TNFRSF21: variants seen among roughly 807,000 people sequenced by gnomAD.
TNFRSF21 encodes the protein tumor necrosis factor receptor superfamily member 21.
Under a neutral mutation model 45.6 loss-of-function variants are expected in TNFRSF21, and 19 were observed. That is an observed-to-expected ratio of 0.42 (90% CI 0.29 to 0.61). TNFRSF21 has a LOEUF of 0.61. Ranked by LOEUF, TNFRSF21 falls within the 20% of genes least tolerant of loss-of-function variation. The pLI, the probability that TNFRSF21 is intolerant of heterozygous loss-of-function variation, is 0.23. For synonymous variants in TNFRSF21, 314 were observed against 335.5 expected, an observed-to-expected ratio of 0.94 and a Z score of 0.70; for missense variants, 737 against 851.5, an observed-to-expected ratio of 0.87 and a Z score of 1.67.
At chr6:47,248,165 C>CAA (rs1459311255) in intron 4 of TNFRSF21, among the ~76,000 whole-genome samples, 1 of 152,084 alleles carries the variant, frequency 6.6e-6, no homozygotes, top group African/African-American at 2.4e-5. Flanking sequence ...TCTCATGAAG[C>CAA]AATGAAGGGA....
intron 1 of TNFRSF21, among the ~76,000 whole-genome samples, chr6:47,304,543 A>G (rs1475443670): frequency 6.6e-6 from 1 of 152,192 alleles, no homozygotes; most frequent in Non-Finnish European, 1.5e-5. Context: ...GTTCTGACCC[A>G]ATAATAGCAT....
intron 4 of TNFRSF21, among the ~76,000 whole-genome samples, chr6:47,239,595 C>T (rs13215542): frequency 2.0e-5 from 3 of 152,186 alleles, no homozygotes; most frequent in African/African-American, 7.2e-5. Flanking sequence ...CAACTGCCAT[C>T]TGTGTGGCAT....
Position 47,284,159 on chromosome 6 carries a change from T to G in TNFRSF21, c.1022A>C (p.His341Pro). The G allele has an allele frequency of 6.2e-7, 1 of 1,614,214 alleles. No homozygotes were observed. Residue 341 changes from histidine to proline, a missense_variant, in exon 3 of 6, where the codon CAC becomes CCC. By Grantham distance (77) the His-to-Pro change is moderately conservative. Transcript: ENST00000296861. Reference protein sequence around the residue: ...PKRGHPRQNLHKHFDINEHLP... With the variant: ...PKRGHPRQNLPKHFDINEHLP... ...ATGCTCATTGATGTCAAAATGCTTG[T>G]GTAGGTTCTGTCTAGGATGTCCCCT... is the stretch of plus-strand genomic sequence containing the variant.
Position 47,232,823 on chromosome 6 carries a change from T to C in TNFRSF21, c.1910A>G (p.Gln637Arg). Residue 637 changes from glutamine (Q) to arginine (R), a missense_variant, in exon 6 of 6, where the codon CAG (glutamine) becomes CGG (arginine). Physicochemically the swap from Gln to Arg is conservative, Grantham distance 43 (BLOSUM62 1). Coordinates refer to ENST00000296861, the MANE Select transcript of TNFRSF21 (RefSeq NM_014452.5). ...GTCCAGGAGGGTCTGGCTGGCTTCC[T>C]GGCTCTTGACTCCAATAATTTCGAA... Reference protein sequence around the residue: ...RLFEIIGVKSQEASQTLLDSV... With the variant: ...RLFEIIGVKSREASQTLLDSV... 6.2e-7 allele frequency: 1 copy of C among 1,614,234 alleles called. No individual in the cohort carries two copies. Among genetic ancestry groups the C allele is most frequent in the Non-Finnish European group, 8.5e-7 (1 of 1,180,036 alleles).
At chr6:47,295,675 A>G (rs1266754089) in intron 1 of TNFRSF21, among the ~76,000 whole-genome samples, 1 of 152,236 alleles carries the variant, frequency 6.6e-6, no homozygotes, top group African/African-American at 2.4e-5. Flanking sequence ...AGAATTCTGT[A>G]GATTTGAAGC....
rs1764598094 is a variant in TNFRSF21 at position 47,232,531 on chromosome 6, G to A, written c.*234C>T. 2.0e-6 allele frequency: 1 copy of A among 496,072 alleles called. No individual in the cohort carries two copies. The allele number at this position is 496,072 out of a possible 1,614,324, so 30.7% of individuals were successfully genotyped here. ...TTTCACAACAGTTACACCTGGCAAA[G>A]GCTTATAAACCAACTTCCCAGAAGA... On this transcript the variant is annotated 3_prime_UTR_variant, in exon 6 of 6. Coordinates refer to ENST00000296861, the MANE Select transcript of TNFRSF21 (RefSeq NM_014452.5).
chr6:47,232,780 A>C lies in TNFRSF21; in HGVS notation c.1953T>G (p.Leu651=). 6.2e-7 allele frequency: 1 copy of C among 1,614,130 alleles called. No homozygotes were observed. Among genetic ancestry groups the C allele is most frequent in the Non-Finnish European group, 8.5e-7 (1 of 1,180,018 alleles). Residue 651 remains leucine, a synonymous_variant, in exon 6 of 6, where the codon CTT becomes CTG. Coordinates refer to ENST00000296861, the MANE Select transcript of TNFRSF21 (RefSeq NM_014452.5). The part of the protein sequence containing the change: ...QTLLDSVYSH[L]PDLL ...TCCCTATGTTCTACAGCAGGTCAGGAAGATGGCTATAAACAGAGTCCAGGA... is the reference window on the plus strand; with the variant it reads ...TCCCTATGTTCTACAGCAGGTCAGGCAGATGGCTATAAACAGAGTCCAGGA...
At chr6:47,304,831 G>A (rs1762916748) in intron 1 of TNFRSF21, among the ~76,000 whole-genome samples, 1 of 152,098 alleles carries the variant, frequency 6.6e-6, no homozygotes, top group Non-Finnish European at 1.5e-5. Flanking sequence ...CTGGACTTGG[G>A]GAAGATTCAA....
intron 1 of TNFRSF21, among the ~76,000 whole-genome samples, chr6:47,305,213 T>G (rs976310699): frequency 6.6e-6 from 1 of 152,144 alleles, no homozygotes; most frequent in Non-Finnish European, 1.5e-5. Flanking sequence ...CCATACGAAT[T>G]GTACCTTCAT....
chr6:47,277,199 G>T (rs1170687071), intron 3 of TNFRSF21, among the ~76,000 whole-genome samples: 1 of 152,168 alleles, frequency 6.6e-6, no homozygotes. Context: ...CGCCAAGTTG[G>T]CCAGGCTGGT....
intron 3 of TNFRSF21, among the ~76,000 whole-genome samples, chr6:47,259,353 G>T (rs2113852626): frequency 6.6e-6 from 1 of 150,542 alleles, no homozygotes; most frequent in Non-Finnish European, 1.5e-5. Flanking sequence ...TGATAGACAG[G>T]GGCACAGAAC....
At chr6:47,274,654 A>G (rs1236854602) in intron 3 of TNFRSF21, among the ~76,000 whole-genome samples, 1 of 152,182 alleles carries the variant, frequency 6.6e-6, no homozygotes, top group African/African-American at 2.4e-5. Flanking sequence ...TAATTAAACT[A>G]AAGAGCTTCT....
intron 1 of TNFRSF21, among the ~76,000 whole-genome samples, chr6:47,295,656 T>C (rs1762780973): frequency 6.6e-6 from 1 of 152,208 alleles, no homozygotes; most frequent in Admixed American, 6.5e-5. Flanking sequence ...ATCAAGACAC[T>C]GGCTGTTTAG....
Position 47,231,631 on chromosome 6 carries a change from G to A in TNFRSF21, c.*1134C>T, listed in dbSNP as rs1026623613. ...CCCACAAACCCCACCCACACAAAGG[G>A]AGTCCACGCCACCTTTGCATTGGAA... On this transcript the variant is annotated 3_prime_UTR_variant, in exon 6 of 6. Coordinates refer to ENST00000296861, the MANE Select transcript of TNFRSF21 (RefSeq NM_014452.5). 6.6e-6 allele frequency: 1 copy of A among 152,454 alleles called. No homozygotes were observed. Among genetic ancestry groups the A allele is most frequent in the Non-Finnish European group, 1.5e-5 (1 of 68,010 alleles). 9.4% of individuals were successfully genotyped at this position (152,454 alleles called of 1,614,324 possible).
At chr6:47,257,603 C>T (rs930268242) in intron 3 of TNFRSF21, among the ~76,000 whole-genome samples, 7 of 152,070 alleles carry the variant, frequency 4.6e-5, no homozygotes, top group African/African-American at 9.7e-5. Context: ...AGCAGGAGGA[C>T]GATTTGCCAA....
rs564842185 is a variant in TNFRSF21, at chr6:47,305,231, T to C, written c.96+4185A>G. On this transcript the variant is annotated intron_variant, in intron 1 of 5. Transcript: ENST00000296861. ...TACGAATTGTACCTTCATGGCAAGATCCAAATCCCAATTCATCCCTGGGTT... is the reference window on the plus strand; with the variant it reads ...TACGAATTGTACCTTCATGGCAAGACCCAAATCCCAATTCATCCCTGGGTT... 3.3e-5 allele frequency among the ~76,000 whole-genome samples: 5 copies of C among 152,268 alleles called. No individual in the cohort carries two copies. The East Asian group carries it at 9.7e-4, about 29-fold the overall frequency.
chr6:47,265,149 A>C (rs1221897989), intron 3 of TNFRSF21, among the ~76,000 whole-genome samples: 1 of 152,244 alleles, frequency 6.6e-6, no homozygotes, highest in Admixed American at 6.5e-5. Flanking sequence ...CCTCTGACTT[A>C]CTTGAAACAG....
At chr6:47,237,232 G>T (rs1764674933) in intron 4 of TNFRSF21, among the ~76,000 whole-genome samples, 2 of 152,082 alleles carry the variant, frequency 1.3e-5, no homozygotes, top group Non-Finnish European at 2.9e-5. Context: ...CTCACTTTGT[G>T]CAACCGTAGC....
intron 3 of TNFRSF21, among the ~76,000 whole-genome samples, chr6:47,283,167 T>C (rs1253756646): frequency 6.6e-6 from 1 of 152,194 alleles, no homozygotes; most frequent in Non-Finnish European, 1.5e-5. Flanking sequence ...GAGAAGTTAC[T>C]GCACAGTCTG....
Sources: gnomAD v4.1 joint callset for allele counts (sites outside exome capture counted in the v4.1 genomes callset) on GRCh38, gnomAD v4.1.1 for gene constraint, MANE v1.5 for transcripts, NCBI Gene and HGNC (gene_info 2026-07-23, HGNC 2026-07-21) for gene names.